Variants in EBF1 observed in about 807,000 individuals in gnomAD.
The protein encoded by EBF1 is transcription factor COE1.
In EBF1, 10 loss-of-function variants were observed where a neutral mutation model predicts 68.4. The observed-to-expected ratio is 0.15, with a 90% CI of 0.09 to 0.25. EBF1 has a LOEUF of 0.25. EBF1 is among the 10% of genes least tolerant of loss of function. The pLI is 1.00. For missense variants in EBF1, 509 were observed against 794.4 expected (o/e 0.64, Z 4.32); for synonymous variants, 298 against 299.8 (o/e 0.99, Z 0.06).
intron 8 of EBF1, among the ~76,000 whole-genome samples, chr5:158,804,555 A>T (rs1330045525): frequency 6.6e-6 from 1 of 152,144 alleles, no homozygotes; most frequent in African/African-American, 2.4e-5. Flanking sequence ...GTTATTTGAC[A>T]ATTTAGCAGT....
At chr5:158,775,776 GC>G (rs1775036500) in intron 10 of EBF1, among the ~76,000 whole-genome samples, 1 of 56,002 alleles carries the variant, frequency 1.8e-5, no homozygotes, top group African/African-American at 9.2e-5. Flanking sequence ...ACACACACAT[GC>G]ACACAGACAC....
chr5:158,857,550 A>T (rs1794273164), intron 6 of EBF1, among the ~76,000 whole-genome samples: 1 of 152,126 alleles, frequency 6.6e-6, no homozygotes, highest in African/African-American at 2.4e-5. Context: ...TGGGCTATTT[A>T]TACTCTTTGA....
intron 6 of EBF1, among the ~76,000 whole-genome samples, chr5:159,046,265 G>C (rs1484525179): frequency 6.6e-6 from 1 of 152,062 alleles, no homozygotes; most frequent in East Asian, 1.9e-4. Context: ...GACCCTCGAG[G>C]GTAGAAAATG....
At chr5:158,969,194 C>G (rs945187990) in intron 6 of EBF1, among the ~76,000 whole-genome samples, 5 of 152,034 alleles carry the variant, frequency 3.3e-5, no homozygotes, top group African/African-American at 1.2e-4. Flanking sequence ...CTCAGCTACA[C>G]AGGAGGTTGA....
chr5:159,019,977 C>T (rs139104391), intron 6 of EBF1, among the ~76,000 whole-genome samples: 5 of 152,196 alleles, frequency 3.3e-5, no homozygotes, highest in Admixed American at 2.6e-4. Context: ...CTAGGAACAA[C>T]TTGGGGAGCT....
intron 6 of EBF1, among the ~76,000 whole-genome samples, chr5:158,887,594 T>C (rs1379752699): frequency 6.6e-6 from 1 of 152,192 alleles, no homozygotes; most frequent in African/African-American, 2.4e-5. Flanking sequence ...TGTATACATT[T>C]TGCCAGACAA....
chr5:158,895,809 C>T (rs914364696), intron 6 of EBF1, among the ~76,000 whole-genome samples: 2 of 152,168 alleles, frequency 1.3e-5, no homozygotes, highest in Non-Finnish European at 2.9e-5. Flanking sequence ...GTTTTCCAAC[C>T]AGCTGCTGAA....
chr5:159,014,087 T>C (rs189558547), intron 6 of EBF1, among the ~76,000 whole-genome samples: 22 of 152,358 alleles, frequency 1.4e-4, no homozygotes, highest in East Asian at 5.8e-4. Context: ...AAAGGAACCA[T>C]CTGTGAGAGT....
At chr5:158,824,173 T>C (rs769932453) in intron 7 of EBF1, among the ~76,000 whole-genome samples, 1 of 152,212 alleles carries the variant, frequency 6.6e-6, no homozygotes, top group Non-Finnish European at 1.5e-5. Context: ...TACAACCAAA[T>C]ATAATAATTG....
intron 6 of EBF1, among the ~76,000 whole-genome samples, chr5:159,039,867 C>T (rs577019567): frequency 6.6e-6 from 1 of 152,252 alleles, no homozygotes; most frequent in East Asian, 1.9e-4. Flanking sequence ...GGTCCCCAGA[C>T]CCTTGATATA....
intron 6 of EBF1, among the ~76,000 whole-genome samples, chr5:158,963,943 G>C (rs1317286246): frequency 6.6e-6 from 1 of 152,164 alleles, no homozygotes; most frequent in South Asian, 2.1e-4. Flanking sequence ...TCGCTGCTGG[G>C]GATGGGGGGA....
At chr5:158,840,196 T>C in intron 6 of EBF1, 86 bp from the exon 7 acceptor site, 1 of 921,202 alleles carries the variant, frequency 1.1e-6, no homozygotes, top group Non-Finnish European at 1.8e-6. Flanking sequence ...GGGTTGTGCA[T>C]TCGATTCTCT....
chr5:158,945,401 T>C (rs1814429814), intron 6 of EBF1, among the ~76,000 whole-genome samples: 1 of 152,228 alleles, frequency 6.6e-6, no homozygotes, highest in Non-Finnish European at 1.5e-5. Flanking sequence ...GTGTTATTTC[T>C]GAGGCCTCTG....
At chr5:159,095,526 A>T in intron 4 of EBF1, 94 bp downstream of exon 4, 1 of 1,454,060 alleles carries the variant, frequency 6.9e-7, no homozygotes, top group Non-Finnish European at 9.5e-7. Context: ...TTAGAGTTAG[A>T]GTCCCAGCCC....
chr5:158,960,523 TA>T (rs1003348240), intron 6 of EBF1, among the ~76,000 whole-genome samples: 9 of 151,570 alleles, frequency 5.9e-5, no homozygotes, highest in Non-Finnish European at 1.2e-4. Context: ...TACATCTCTG[TA>T]AAAAAAAATT....
At chr5:158,757,738 A>T (rs1024303650) in intron 10 of EBF1, among the ~76,000 whole-genome samples, 1 of 152,176 alleles carries the variant, frequency 6.6e-6, no homozygotes, top group African/African-American at 2.4e-5. Flanking sequence ...TACAGCGATA[A>T]TAATACTACC....
chr5:158,840,765 G>A (rs1308767356), intron 6 of EBF1, among the ~76,000 whole-genome samples: 3 of 139,178 alleles, frequency 2.2e-5, no homozygotes, highest in South Asian at 2.4e-4. Context: ...TCCGCCTCCC[G>A]GGTTCACGCC....
intron 6 of EBF1, among the ~76,000 whole-genome samples, chr5:159,000,584 A>G (rs1210866242): frequency 1.3e-5 from 2 of 152,220 alleles, no homozygotes; most frequent in Non-Finnish European, 2.9e-5. Context: ...TATTGACAGC[A>G]GGTGTTGCCA....
chr5:158,915,844 C>A (rs545146503), intron 6 of EBF1, among the ~76,000 whole-genome samples: 1 of 152,282 alleles, frequency 6.6e-6, no homozygotes, highest in Admixed American at 6.5e-5. Context: ...AAACTCAATG[C>A]AACAATGCCA....
Sources: gnomAD v4.1 joint callset for allele counts (sites outside exome capture counted in the v4.1 genomes callset) on GRCh38, gnomAD v4.1.1 for gene constraint, MANE v1.5 for transcripts, NCBI Gene and HGNC (gene_info 2026-07-23, HGNC 2026-07-21) for gene names.